Variants in CDKAL1 observed in about 807,000 individuals in gnomAD.
CDKAL1 encodes CDKAL1 threonylcarbamoyladenosine tRNA methylthiotransferase.
A neutral mutation model predicts 68.2 loss-of-function variants in CDKAL1; 32 were observed. That is an observed-to-expected ratio of 0.47 (90% CI 0.35 to 0.63). The LOEUF (loss-of-function observed/expected upper bound fraction) is 0.63. Ranked by LOEUF, CDKAL1 falls within the 30% of genes least tolerant of loss-of-function variation. The pLI is 0.00. For missense variants in CDKAL1, 606 were observed against 696.7 expected (o/e 0.87, Z 1.47); for synonymous variants, 234 against 244.3 (o/e 0.96, Z 0.39).
intron 5 of CDKAL1, among the ~76,000 whole-genome samples, chr6:20,708,853 T>C (rs1016012706): frequency 6.6e-6 from 1 of 152,178 alleles, no homozygotes; most frequent in Admixed American, 6.5e-5. Flanking sequence ...TTATGTTTTT[T>C]CTTTTTGACT....
At chr6:20,568,549 C>T (rs1244709263) in intron 4 of CDKAL1, among the ~76,000 whole-genome samples, 6 of 151,594 alleles carry the variant, frequency 4.0e-5, no homozygotes, top group Non-Finnish European at 8.8e-5. Flanking sequence ...CTGGCTAACA[C>T]GGTAAAACCC....
chr6:21,094,822 T>C (rs907206003), intron 12 of CDKAL1, among the ~76,000 whole-genome samples: 2 of 152,236 alleles, frequency 1.3e-5, no homozygotes, highest in Admixed American at 6.5e-5. Flanking sequence ...TTATTACAGT[T>C]TGAAAATATA....
intron 15 of CDKAL1, among the ~76,000 whole-genome samples, chr6:21,216,850 C>T (rs1311416951): frequency 6.6e-6 from 1 of 152,138 alleles, no homozygotes; most frequent in Non-Finnish European, 1.5e-5. Flanking sequence ...TTGGTGTGGC[C>T]ACTTATCTGC....
chr6:21,156,776 G>A (rs1776668929), intron 13 of CDKAL1, among the ~76,000 whole-genome samples: 1 of 152,102 alleles, frequency 6.6e-6, no homozygotes, highest in Admixed American at 6.5e-5. Flanking sequence ...CAAGCAGCTG[G>A]AGAGGTGCAG....
intron 4 of CDKAL1, among the ~76,000 whole-genome samples, chr6:20,560,938 T>A (rs1216515923): frequency 6.6e-6 from 1 of 152,230 alleles, no homozygotes; most frequent in Non-Finnish European, 1.5e-5. Context: ...AATCTAATCA[T>A]TTTAGATTCA....
At chr6:21,043,878 A>G (rs537132196) in intron 11 of CDKAL1, among the ~76,000 whole-genome samples, 1 of 152,292 alleles carries the variant, frequency 6.6e-6, no homozygotes, top group South Asian at 2.1e-4. Flanking sequence ...GATGAGATAT[A>G]GTCATTAGTT....
At chr6:20,907,791 G>C (rs1419905430) in intron 9 of CDKAL1, among the ~76,000 whole-genome samples, 1 of 152,186 alleles carries the variant, frequency 6.6e-6, no homozygotes, top group Non-Finnish European at 1.5e-5. Flanking sequence ...ATGGGAATGG[G>C]AAGGTCCTGG....
At chr6:21,205,723 G>A (rs910277193) in intron 15 of CDKAL1, among the ~76,000 whole-genome samples, 24 of 150,902 alleles carry the variant, frequency 1.6e-4, no homozygotes, top group Admixed American at 9.3e-4. Flanking sequence ...AGTAGAGACG[G>A]GGTTTCACTG....
At chr6:20,610,524 T>C (rs201223268) in intron 4 of CDKAL1, among the ~76,000 whole-genome samples, 2 of 152,118 alleles carry the variant, frequency 1.3e-5, no homozygotes, top group African/African-American at 4.8e-5. Flanking sequence ...AGTGACAACT[T>C]TGAAATTATA....
chr6:20,537,593 T>G (rs1763225003), intron 2 of CDKAL1, among the ~76,000 whole-genome samples: 1 of 142,826 alleles, frequency 7.0e-6, no homozygotes, highest in Non-Finnish European at 1.5e-5. Flanking sequence ...GCAGCAAGAG[T>G]GAAACTCTGT....
At chr6:20,888,856 T>C (rs368445437) in intron 9 of CDKAL1, among the ~76,000 whole-genome samples, 2 of 152,092 alleles carry the variant, frequency 1.3e-5, no homozygotes, top group South Asian at 2.1e-4. Context: ...TTTATAGCAG[T>C]ATGATTTATA....
chr6:20,690,713 A>G (rs933245735), intron 5 of CDKAL1, among the ~76,000 whole-genome samples: 2 of 152,146 alleles, frequency 1.3e-5, no homozygotes, highest in Non-Finnish European at 2.9e-5. Flanking sequence ...ACGTATACTT[A>G]TATGAGTTTC....
intron 11 of CDKAL1, among the ~76,000 whole-genome samples, chr6:21,029,315 C>A (rs936771875): frequency 5.3e-4 from 81 of 152,266 alleles, no homozygotes; most frequent in African/African-American, 1.8e-3. Flanking sequence ...CCACCTTGGC[C>A]TCCCAAAGTG....
chr6:20,915,249 ATCAG>A (rs1298466194), intron 9 of CDKAL1, among the ~76,000 whole-genome samples: 3 of 152,108 alleles, frequency 2.0e-5, no homozygotes, highest in Non-Finnish European at 2.9e-5. Flanking sequence ...TAGGAGATGT[ATCAG>A]TCAGAGATCT....
rs541519163 is a variant in CDKAL1 at position 20,945,069 on chromosome 6, C to T, written c.743-10350C>T. On this transcript the variant is annotated intron_variant, in intron 9 of 15. Transcript: ENST00000274695. ...GAAACAGTGCATATGTGCACACACA[C>T]GTACACACACACACACACACACACA... is the stretch of plus-strand genomic sequence containing the variant. Among the ~76,000 whole-genome samples, 91 of 58,302 alleles carry T rather than the reference C, an allele frequency of 1.6e-3. No homozygotes were observed. The East Asian group carries it at 0.053, about 34-fold the overall frequency. The allele number at this position is 58,302 out of a possible 152,430, so 38.2% of individuals were successfully genotyped here.
intron 8 of CDKAL1, among the ~76,000 whole-genome samples, chr6:20,845,743 T>C (rs1386629465): frequency 2.0e-5 from 3 of 152,202 alleles, no homozygotes; most frequent in African/African-American, 7.2e-5. Context: ...GTCAGTAGTT[T>C]ATGAAAAAGT....
At position 21,178,792 on chromosome 6, in the gene CDKAL1, A is replaced by T. The variant is rs913472419; in HGVS notation, c.1300-19229A>T. ...CTCTCATTTGTTAAATGAACTGGTT[A>T]TACTTGGTTCTAAGTGAGGATCCAA... On this transcript the variant is annotated intron_variant, in intron 13 of 15. Coordinates refer to ENST00000274695, the MANE Select transcript of CDKAL1 (RefSeq NM_017774.3). 3.9e-5 allele frequency among the ~76,000 whole-genome samples: 6 copies of T among 152,228 alleles called. 1 individual carries two copies. The highest frequency in any genetic ancestry group is 3.3e-4 in the Admixed American group (5 of 15,286).
chr6:21,013,184 A>G (rs939121855), intron 11 of CDKAL1, among the ~76,000 whole-genome samples: 2 of 152,146 alleles, frequency 1.3e-5, no homozygotes, highest in African/African-American at 2.4e-5. Context: ...TGTAATTGCT[A>G]TGCTTGGCTT....
chr6:20,540,485 G>A (rs552982146), intron 2 of CDKAL1, among the ~76,000 whole-genome samples: 2 of 147,184 alleles, frequency 1.4e-5, no homozygotes, highest in Admixed American at 1.4e-4. Flanking sequence ...ATGGTGCTTC[G>A]CCCTTTGTCG....
Sources: allele counts gnomAD v4.1 joint callset (sites outside exome capture counted in the v4.1 genomes callset), GRCh38; gene constraint gnomAD v4.1.1; transcripts MANE v1.5; gene names NCBI Gene and HGNC (gene_info 2026-07-23, HGNC 2026-07-21).